CCDC88B: variants seen among roughly 807,000 people sequenced by gnomAD.
The protein encoded by CCDC88B is coiled-coil and HOOK domain protein 88B, also known as coiled-coil domain-containing protein 88B.
CCDC88B carries 138 observed loss-of-function variants against 183.7 expected under a neutral mutation model. The observed-to-expected ratio is 0.75, with a 90% confidence interval of 0.65 to 0.87. The LOEUF (loss-of-function observed/expected upper bound fraction) is 0.87. Ranked by LOEUF, CCDC88B falls within the 40% of genes least tolerant of loss-of-function variation. CCDC88B has a pLI of 0.00. For missense variants in CCDC88B, 1,822 were observed against 1,965.6 expected (o/e 0.93, Z 1.38); for synonymous variants, 835 against 867.5 (o/e 0.96, Z 0.66).
Position 64,357,310 on chromosome 11 carries a change from C to A in CCDC88B, c.*216C>A. ...AGGGGGGATGGCTGGCCCCCACGAG[C>A]AGCTCCAGGCTGGAGTTCTGGTTCT... On this transcript the variant is annotated 3_prime_UTR_variant, in exon 27 of 27. Transcript: ENST00000356786. The A allele has an allele frequency of 1.4e-6, 1 of 725,674 alleles. No homozygotes were observed. Among genetic ancestry groups the A allele is most frequent in the Non-Finnish European group, 2.5e-6 (1 of 392,368 alleles). 45.0% of individuals were successfully genotyped at this position (725,674 alleles called of 1,614,324 possible). A position where few individuals can be genotyped will look rare whatever the true frequency, so the allele number is the denominator to read the frequency against.
At chr11:64,343,399 A>G (rs2035967301) in intron 11 of CCDC88B, 74 bp downstream of exon 11, 1 of 1,538,874 alleles carries the variant, frequency 6.5e-7, no homozygotes, top group Non-Finnish European at 8.8e-7. Context: ...AGTGGTCCCT[A>G]GTGATTCTTG....
At chr11:64,343,059 G>T (rs1411926473) in intron 10 of CCDC88B, 120 bp from the exon 11 acceptor site, 50 of 1,169,172 alleles carry the variant, frequency 4.3e-5, no homozygotes, top group Middle Eastern at 3.0e-4. Context: ...GACTGATGGG[G>T]TGCAGGGTGG....
intron 26 of CCDC88B, chr11:64,355,979 G>A (rs1454610536): frequency 5.7e-6 from 1 of 174,876 alleles, no homozygotes; most frequent in Non-Finnish European, 1.2e-5. Context: ...TCAGCATGTA[G>A]CCAGTGTAAA....
rs572426280 is a variant in CCDC88B at position 64,355,545 on chromosome 11, C to A, written c.4307-15C>A. On this transcript the variant is annotated splice_polypyrimidine_tract_variant and intron_variant, in intron 25 of 26. Coordinates refer to ENST00000356786, the MANE Select transcript of CCDC88B (RefSeq NM_032251.6). ...GCACTGGCCCTGGGCCCAGTGGTTG[C>A]CTTGTGCCTCCCAGGACCTGGTGTG... is the stretch of plus-strand genomic sequence containing the variant. 1 of 1,612,884 alleles carries A rather than the reference C, an allele frequency of 6.2e-7. No homozygotes were observed. The highest frequency in any genetic ancestry group is 1.3e-5 in the African/African-American group (1 of 75,016).
chr11:64,346,526 C>T (rs529589112), intron 14 of CCDC88B, among the ~76,000 whole-genome samples: 10 of 152,106 alleles, frequency 6.6e-5, no homozygotes, highest in South Asian at 2.1e-4. Context: ...CTGCAAGCTC[C>T]GCCTCCCAGG....
Position 64,343,998 on chromosome 11 carries a change from AC to A in CCDC88B, c.1462del (p.Leu488CysfsTer50). Reference protein sequence around the residue: ...QVLQGQPGGQHPLLEAPREDP... With the variant: ...QVLQGQPGGQXPLLEAPREDP... Reference sequence around the variant, plus strand: ...ACTGTCCCTCTCGTATGCCCTCAGCACCCCCTGCTGGAGGCACCGAGAGAGG... The same window carrying A: ...ACTGTCCCTCTCGTATGCCCTCAGCACCCCTGCTGGAGGCACCGAGAGAGG... On this transcript the variant is annotated frameshift_variant and splice_region_variant, in exon 14 of 27. Coordinates refer to ENST00000356786, the MANE Select transcript of CCDC88B (RefSeq NM_032251.6). LOFTEE classifies it high-confidence loss of function. 1 of 1,551,178 alleles carries A rather than the reference AC, an allele frequency of 6.4e-7. No individual in the cohort carries two copies.
At chr11:64,350,531 T>G (rs1047281388) in intron 16 of CCDC88B, 1 of 151,786 alleles carries the variant, frequency 6.6e-6, no homozygotes, top group African/African-American at 2.4e-5. Context: ...CAACAAAAAT[T>G]AGCTGTTAGC....
chr11:64,348,759 C>G (rs1214182440), intron 14 of CCDC88B: 5 of 509,152 alleles, frequency 9.8e-6, no homozygotes. Flanking sequence ...CTGGGGCACA[C>G]AGGCCAGAAT....
rs1313235578 is a variant in CCDC88B, at chr11:64,355,560, G to C, written c.4307G>C (p.Gly1436Ala). 3.1e-6 allele frequency: 5 copies of C among 1,613,120 alleles called. No individual in the cohort carries two copies. In the South Asian group the frequency reaches 4.4e-5, roughly 14 times the overall value. ...CCAGTGGTTGCCTTGTGCCTCCCAGGACCTGGTGTGGGATGGGAGAACTCC... is the reference window on the plus strand; with the variant it reads ...CCAGTGGTTGCCTTGTGCCTCCCAGCACCTGGTGTGGGATGGGAGAACTCC... ...PLGAPVSHSK[G>A]PGVGWENSAE... The change falls in exon 26 of 27, where the codon GGA becomes GCA. Residue 1436 changes from glycine to alanine, a missense_variant and splice_region_variant. Gly to Ala is a moderately conservative substitution (Grantham distance 60, BLOSUM62 0). Transcript: ENST00000356786.
intron 19 of CCDC88B, 44 bp from the exon 20 acceptor site, chr11:64,352,700 G>A (rs542586763): frequency 6.2e-7 from 1 of 1,612,226 alleles, no homozygotes; most frequent in Non-Finnish European, 8.5e-7. Context: ...TGCTTGTGGT[G>A]GCCATAGGTT....
In CCDC88B at chr11:64,343,864, C is replaced by T. The variant is rs537311308; in HGVS notation, c.1405C>T (p.Arg469Trp). The T allele has an allele frequency of 8.1e-6, 13 of 1,604,812 alleles. No individual in the cohort carries two copies. The highest frequency in any genetic ancestry group is 1.9e-4 in the Middle Eastern group (1 of 5,198). ...GCTTCGGACCCTTGAGAGGGAGAACCGGGAGCTTCGGGGGCTGCTTCAGGT... is the reference window on the plus strand; with the variant it reads ...GCTTCGGACCCTTGAGAGGGAGAACTGGGAGCTTCGGGGGCTGCTTCAGGT... Reference protein sequence around the residue: ...GRLRTLERENRELRGLLQVLQ... With the variant: ...GRLRTLERENWELRGLLQVLQ... Residue 469 changes from arginine (R) to tryptophan (W), a missense_variant, in exon 13 of 27, where the codon CGG (arginine) becomes TGG (tryptophan). Physicochemically the swap from Arg to Trp is moderately radical, Grantham distance 101. Coordinates refer to ENST00000356786, the MANE Select transcript of CCDC88B (RefSeq NM_032251.6).
intron 14 of CCDC88B, among the ~76,000 whole-genome samples, chr11:64,346,099 T>C (rs1219166269): frequency 6.6e-6 from 1 of 152,092 alleles, no homozygotes; most frequent in African/African-American, 2.4e-5. Context: ...AATGTGTTGG[T>C]CCTCCCTCCC....
Position 64,344,542 on chromosome 11 carries a change from C to A in CCDC88B, c.2001C>A (p.Asn667Lys). The A allele has an allele frequency of 6.2e-7, 1 of 1,604,894 alleles. No homozygotes were observed. Among genetic ancestry groups the A allele is most frequent in the South Asian group, 1.1e-5 (1 of 90,208 alleles). ...AGCTGGAGGAGCAGGAGGGCCCAAACCAGGGCCTGGACCTGGCCACGGGAC... is the reference window on the plus strand; with the variant it reads ...AGCTGGAGGAGCAGGAGGGCCCAAAACAGGGCCTGGACCTGGCCACGGGAC... ...SVQLEEQEGPNQGLDLATGQA... is the reference protein window; with the variant it reads ...SVQLEEQEGPKQGLDLATGQA... Residue 667 changes from asparagine to lysine, a missense_variant, in exon 14 of 27, where the codon AAC becomes AAA. By Grantham distance (94) the Asn-to-Lys change is moderately conservative. Transcript: ENST00000356786. The surrounding 1 kb of genome is among the most constrained non-coding windows in gnomAD (Gnocchi z 4.5).
chr11:64,344,882 C>T lies in CCDC88B; in HGVS notation c.2341C>T (p.Arg781Trp), dbSNP rs777662779. ...GCGAAGGGCAGAGGCCGAGGCCCAC[C>T]GGGAGGCAGAGGCCCAGGCCTGGGA... ...QARRAEAEAHREAEAQAWEQA... is the reference protein window; with the variant it reads ...QARRAEAEAHWEAEAQAWEQA... The change falls in exon 14 of 27, where the codon CGG (arginine) becomes TGG (tryptophan). Residue 781 changes from arginine (R) to tryptophan (W), a missense_variant. Arg to Trp is a moderately radical substitution (Grantham distance 101). Transcript: ENST00000356786. The surrounding 1 kb of genome is among the most constrained non-coding windows in gnomAD (Gnocchi z 4.5). The T allele has an allele frequency of 1.4e-5, 23 of 1,598,714 alleles. No individual in the cohort carries two copies. The highest frequency in any genetic ancestry group is 1.4e-4 in the East Asian group (6 of 44,154).
intron 16 of CCDC88B, chr11:64,350,284 G>C (rs377640220): frequency 2.0e-5 from 3 of 153,792 alleles, no homozygotes; most frequent in East Asian, 3.8e-4. Flanking sequence ...TGTAATCCCA[G>C]CACTTTGGGA....
At chr11:64,345,875 C>T (rs1027836152) in intron 14 of CCDC88B, among the ~76,000 whole-genome samples, 4 of 152,162 alleles carry the variant, frequency 2.6e-5, no homozygotes, top group African/African-American at 9.7e-5. Context: ...GGCGTGGTGG[C>T]AGGCACCTGT....
At chr11:64,346,463 C>T (rs1257812335) in intron 14 of CCDC88B, among the ~76,000 whole-genome samples, 3 of 146,976 alleles carry the variant, frequency 2.0e-5, no homozygotes, top group East Asian at 2.0e-4. Context: ...TTTTTTGAGA[C>T]GGAGTCTCGC....
chr11:64,342,656 T>C lies in CCDC88B; in HGVS notation c.1038T>C (p.Ala346=), dbSNP rs1400314623. 2 of 1,516,528 alleles carry C rather than the reference T, an allele frequency of 1.3e-6. No individual in the cohort carries two copies. Among genetic ancestry groups the C allele is most frequent in the African/African-American group, 1.4e-5 (1 of 72,036 alleles). The allele number at this position is 1,516,528 out of a possible 1,614,324, so 93.9% of individuals were successfully genotyped here. A position where few individuals can be genotyped will look rare whatever the true frequency, so the allele number is the denominator to read the frequency against. ...LRRCRERLQA[A]EAYKSQLEEE... is the part of the protein sequence containing the mutation. ...GCTGCCGCGAGCGGCTGCAGGCGGCTGAGGCCTACAAGAGTCAGCTGGAGG... is the reference window on the plus strand; with the variant it reads ...GCTGCCGCGAGCGGCTGCAGGCGGCCGAGGCCTACAAGAGTCAGCTGGAGG... The change falls in exon 10 of 27, where the codon GCT becomes GCC. Residue 346 remains alanine (A), a synonymous_variant. Coordinates refer to ENST00000356786, the MANE Select transcript of CCDC88B (RefSeq NM_032251.6).
chr11:64,342,688 G>A lies in CCDC88B; in HGVS notation c.1062+8G>A. Reference sequence around the variant, plus strand: ...TACAAGAGTCAGCTGGAGGTGAGGCGGAGACGGAGCCGCGGGGCGGGGCGT... The same window carrying A: ...TACAAGAGTCAGCTGGAGGTGAGGCAGAGACGGAGCCGCGGGGCGGGGCGT... On this transcript the variant is annotated splice_region_variant and intron_variant, in intron 10 of 26. Transcript: ENST00000356786. The A allele has an allele frequency of 6.8e-7, 1 of 1,474,310 alleles. No individual in the cohort carries two copies. The highest frequency in any genetic ancestry group is 8.9e-7 in the Non-Finnish European group (1 of 1,119,440). The allele number at this position is 1,474,310 out of a possible 1,614,324, so 91.3% of individuals were successfully genotyped here.
Sources: gnomAD v4.1 joint callset for allele counts (sites outside exome capture counted in the v4.1 genomes callset) on GRCh38, gnomAD v4.1.1 for gene constraint, Gnocchi (gnomAD v3.1) non-coding constraint, MANE v1.5 for transcripts, NCBI Gene and HGNC (gene_info 2026-07-23, HGNC 2026-07-21) for gene names.